The following KCTD15 variants were observed in gnomAD, a reference collection of about 807,000 sequenced individuals.
The protein encoded by KCTD15 is potassium channel tetramerization domain containing 15, also known as BTB/POZ domain-containing protein KCTD15.
A neutral mutation model predicts 27.2 loss-of-function variants in KCTD15; 11 were observed. The ratio of observed to expected loss-of-function variants is 0.41; its 90% CI spans 0.25 to 0.67. The LOEUF (loss-of-function observed/expected upper bound fraction) is 0.67, where lower values mean the gene tolerates loss of function less well. Among genes scored for constraint, KCTD15 ranks in the 30% least tolerant of loss-of-function variants. The pLI is 0.35. For synonymous variants in KCTD15, 163 were observed against 176.0 expected, an observed-to-expected ratio of 0.93 and a Z score of 0.58; for missense variants, 350 against 409.3, an observed-to-expected ratio of 0.86 and a Z score of 1.25.
chr19:33,799,568 G>A (rs1975461080), intron 2 of KCTD15: 1 of 152,264 alleles, frequency 6.6e-6, no homozygotes, highest in African/African-American at 2.4e-5. Flanking sequence ...GTGGCTTCCA[G>A]GGACTGAGGG....
chr19:33,808,694 T>C (rs541282781), intron 5 of KCTD15, among the ~76,000 whole-genome samples: 77 of 145,666 alleles, frequency 5.3e-4, no homozygotes, highest in Admixed American at 9.1e-4. Flanking sequence ...TCTCTGGCTG[T>C]TGGGTGGGGA....
rs577382487 is a variant in KCTD15 at position 33,813,406 on chromosome 19, G to C, written c.*458G>C. 2 of 459,728 alleles carry C rather than the reference G, an allele frequency of 4.4e-6. No individual in the cohort carries two copies. The highest frequency in any genetic ancestry group is 2.3e-5 in the Admixed American group (1 of 42,632). The allele number at this position is 459,728 out of a possible 1,614,324, so 28.5% of individuals were successfully genotyped here. ...CAGCCCTAACTGCAAAAGTCAGAGA[G>C]GCTGACAAGGACCAATGCTTCTTTA... On this transcript the variant is annotated 3_prime_UTR_variant, in exon 7 of 7. Transcript: ENST00000683859.
At chr19:33,806,354 G>A (rs1975711076) in intron 4 of KCTD15, among the ~76,000 whole-genome samples, 2 of 152,342 alleles carry the variant, frequency 1.3e-5, no homozygotes, top group East Asian at 3.9e-4. Context: ...CCCTGTGCCT[G>A]TTGCACAGGC....
intron 4 of KCTD15, 51 bp downstream of exon 4, chr19:33,801,393 C>T: frequency 6.8e-7 from 1 of 1,471,228 alleles, no homozygotes; most frequent in Non-Finnish European, 9.2e-7. Flanking sequence ...AGGGCAGCAT[C>T]TGTAATCTGC....
intron 6 of KCTD15, 140 bp from the exon 7 acceptor site, chr19:33,812,650 T>A (rs2145500257): frequency 7.4e-7 from 1 of 1,359,434 alleles, no homozygotes; most frequent in South Asian, 1.9e-5. Flanking sequence ...GTAGGGACCT[T>A]TGTCAGTGAG....
chr19:33,804,820 G>A (rs1975664691), intron 4 of KCTD15, among the ~76,000 whole-genome samples: 1 of 152,204 alleles, frequency 6.6e-6, no homozygotes, highest in Non-Finnish European at 1.5e-5. Flanking sequence ...ATCGGCCTTT[G>A]GAGCTCTGAG....
chr19:33,800,628 G>A (rs542202686), intron 3 of KCTD15, 108 bp downstream of exon 3: 4 of 970,164 alleles, frequency 4.1e-6, no homozygotes, highest in Non-Finnish European at 6.3e-6. Context: ...ACTCCAGGTG[G>A]CTGTTGACTG....
chr19:33,797,335 C>G (rs1975368163), intron 1 of KCTD15: 1 of 443,086 alleles, frequency 2.3e-6, no homozygotes, highest in Non-Finnish European at 4.5e-6. Context: ...GGCCCCTGTT[C>G]TGGGCCGAGC....
chr19:33,801,236 C>G lies in KCTD15; in HGVS notation c.136C>G (p.Pro46Ala), dbSNP rs1297327267. 1 of 1,613,462 alleles carries G rather than the reference C, an allele frequency of 6.2e-7. No individual in the cohort carries two copies. Among genetic ancestry groups the G allele is most frequent in the Non-Finnish European group, 8.5e-7 (1 of 1,179,796 alleles). ...GTCTCCCCTGGCTGCCCAGGGCATCCCCCTGCCAGCCCAGCTCACCAAGTC... is the reference window on the plus strand; with the variant it reads ...GTCTCCCCTGGCTGCCCAGGGCATCGCCCTGCCAGCCCAGCTCACCAAGTC... Reference protein sequence around the residue: ...PVSPLAAQGIPLPAQLTKSNA... With the variant: ...PVSPLAAQGIALPAQLTKSNA... The change falls in exon 4 of 7, where the codon CCC becomes GCC. Residue 46 changes from proline (P) to alanine (A), a missense_variant. Coordinates refer to ENST00000683859, the MANE Select transcript of KCTD15 (RefSeq NM_001129994.2).
In KCTD15 at chr19:33,800,493, T is replaced by A; in HGVS notation, c.39T>A (p.Leu13=). ...HRKERPSGSS[L]HTHGSTGTAE... ...AGGAGCGGCCGAGCGGGTCCTCGCT[T>A]CACACACACGGCAGCACCGGCACCG... Residue 13 remains leucine, a synonymous_variant, in exon 3 of 7, where the codon CTT becomes CTA. Coordinates refer to ENST00000683859, the MANE Select transcript of KCTD15 (RefSeq NM_001129994.2). The A allele has an allele frequency of 6.2e-7, 1 of 1,604,580 alleles. No individual in the cohort carries two copies. The highest frequency in any genetic ancestry group is 8.5e-7 in the Non-Finnish European group (1 of 1,176,872).
chr19:33,811,177 TCCCCTC>T, intron 5 of KCTD15, 64 bp from the exon 6 acceptor site: 9 of 786,074 alleles, frequency 1.1e-5, no homozygotes, highest in African/African-American at 3.5e-5. Flanking sequence ...GCAGGCCGCC[TCCCCTC>T]TCCCCCTTCC....
chr19:33,807,354 A>G (rs548386868), intron 5 of KCTD15, among the ~76,000 whole-genome samples: 8 of 151,528 alleles, frequency 5.3e-5, no homozygotes, highest in Non-Finnish European at 1.0e-4. Context: ...TTGGGAGGCC[A>G]AGGTGGGTGG....
rs1401669481 is a variant in KCTD15 at position 33,813,046 on chromosome 19, G to A, written c.*98G>A. The A allele has an allele frequency of 7.7e-7, 1 of 1,306,440 alleles. No homozygotes were observed. The highest frequency in any genetic ancestry group is 2.0e-5 in the Admixed American group (1 of 49,316). 80.9% of individuals were successfully genotyped at this position (1,306,440 alleles called of 1,614,324 possible). The stretch of plus-strand genomic sequence containing the variant: ...CTTGGCCGTGGGCATGAGACCGAGG[G>A]TGAGGCTGGAGGGTCCAAAGCTGGC... On this transcript the variant is annotated 3_prime_UTR_variant, in exon 7 of 7. Transcript: ENST00000683859.
At chr19:33,801,662 C>A (rs772541370) in intron 4 of KCTD15, 3 of 251,336 alleles carry the variant, frequency 1.2e-5, no homozygotes, top group Non-Finnish European at 2.3e-5. Context: ...GGGAGTCTCA[C>A]GTACCTTCAA....
In KCTD15 at chr19:33,813,133, T is replaced by A; in HGVS notation, c.*185T>A. ...GAACGTGGGATGCTGGAGGCATGCC[T>A]GCAGAAGGACTGTTGATGCGACCCA... is the stretch of plus-strand genomic sequence containing the variant. On this transcript the variant is annotated 3_prime_UTR_variant, in exon 7 of 7. Transcript: ENST00000683859. 1 of 647,786 alleles carries A rather than the reference T, an allele frequency of 1.5e-6. No homozygotes were observed. Among genetic ancestry groups the A allele is most frequent in the Non-Finnish European group, 2.7e-6 (1 of 367,362 alleles). 40.1% of individuals were successfully genotyped at this position (647,786 alleles called of 1,614,324 possible).
rs527549477 is a variant in KCTD15, at chr19:33,803,632, C to T, written c.242+2290C>T. 8.5e-5 allele frequency among the ~76,000 whole-genome samples: 13 copies of T among 152,126 alleles called. No homozygotes were observed. In the South Asian group the frequency reaches 2.1e-3, roughly 24 times the overall value. Reference sequence around the variant, plus strand: ...CTAGGAGCAGTCACTGGTCCTCACCCGAGACAGCCAAGCACAGCCGGGGCT... The same window carrying T: ...CTAGGAGCAGTCACTGGTCCTCACCTGAGACAGCCAAGCACAGCCGGGGCT... On this transcript the variant is annotated intron_variant, in intron 4 of 6. Transcript: ENST00000683859.
chr19:33,802,236 G>A (rs1239093890), intron 4 of KCTD15, among the ~76,000 whole-genome samples: 1 of 152,210 alleles, frequency 6.6e-6, no homozygotes, highest in Non-Finnish European at 1.5e-5. Context: ...TCGCTCCCCT[G>A]GGGCTGCTGA....
intron 5 of KCTD15, 94 bp downstream of exon 5, chr19:33,807,101 G>A: frequency 1.4e-6 from 2 of 1,408,826 alleles, no homozygotes; most frequent in Non-Finnish European, 1.9e-6. Flanking sequence ...TGGTTGTCAT[G>A]GTAACCATAA....
chr19:33,807,317 G>A (rs1975744337), intron 5 of KCTD15, among the ~76,000 whole-genome samples: 1 of 152,246 alleles, frequency 6.6e-6, no homozygotes, highest in Admixed American at 6.5e-5. Context: ...GCTGGGTGCA[G>A]TGGTTCATGC....
Sources: gnomAD v4.1 joint callset for allele counts (sites outside exome capture counted in the v4.1 genomes callset) on GRCh38, gnomAD v4.1.1 for gene constraint, MANE v1.5 for transcripts, NCBI Gene and HGNC (gene_info 2026-07-23, HGNC 2026-07-21) for gene names.